The following CHD8 variants were observed in gnomAD, a reference collection of about 807,000 sequenced individuals.
CHD8 encodes the protein chromodomain helicase DNA binding protein 8.
CHD8 carries 31 observed loss-of-function variants against 279.2 expected under a neutral mutation model. The observed-to-expected ratio is 0.11, with a 90% CI of 0.08 to 0.15. The LOEUF (loss-of-function observed/expected upper bound fraction) is 0.15, where lower values mean the gene tolerates loss of function less well. CHD8 is among the 10% of genes least tolerant of loss of function. CHD8 has a pLI of 1.00. For missense variants in CHD8, 2,146 were observed against 3,230.5 expected (o/e 0.66, Z 8.14); for synonymous variants, 1,081 against 1,139.6 (o/e 0.95, Z 1.04).
chr14:21,386,562 G>C (rs1477894391), intron 37 of CHD8, among the ~76,000 whole-genome samples: 1 of 152,176 alleles, frequency 6.6e-6, no homozygotes, highest in Non-Finnish European at 1.5e-5. Context: ...TTGTGACCGG[G>C]CGCGGTGGCT....
intron 20 of CHD8, 42 bp downstream of exon 20, chr14:21,401,915 G>A (rs767944263): frequency 6.6e-6 from 10 of 1,517,368 alleles, no homozygotes; most frequent in Admixed American, 6.2e-5. Context: ...TAGAGATTCC[G>A]GTCTCTGTGT....
At position 21,393,540 on chromosome 14, in the gene CHD8, G is replaced by A; in HGVS notation, c.6255C>T (p.Ser2085=). 1 of 1,604,710 alleles carries A rather than the reference G, an allele frequency of 6.2e-7. No homozygotes were observed. Among genetic ancestry groups the A allele is most frequent in the Middle Eastern group, 1.7e-4 (1 of 6,044 alleles). ...TGGAGCTGGAGCTGGATGAGGATGA[G>A]GAAGAAGAAGAAGATGGTGACAGCT... The part of the protein sequence containing the change: ...LSKLSPSSSS[S]SSSSSSSSST... The change falls in exon 32 of 38, where the codon TCC becomes TCT. Residue 2085 remains serine (S), a synonymous_variant. Transcript: ENST00000646647.
Position 21,428,163 on chromosome 14 carries a change from G to A in CHD8, c.1307C>T (p.Ser436Phe). The change falls in exon 4 of 38, where the codon TCT (serine) becomes TTT (phenylalanine). Residue 436 changes from serine to phenylalanine, a missense_variant. By Grantham distance (155) the Ser-to-Phe change is radical (BLOSUM62 -2). This residue lies in a region of CHD8 where 170 missense variants were observed against 189.9 expected (regional missense o/e 0.90). Coordinates refer to ENST00000646647, the MANE Select transcript of CHD8 (RefSeq NM_001170629.2). ...EVAALSSPASSAPHSGGKTGM... is the reference protein window; with the variant it reads ...EVAALSSPASFAPHSGGKTGM... ...TGTCTTTCCCCCCGAATGAGGAGCA[G>A]AGCTTGCTGGTGATGACAAAGCTGC... is the stretch of plus-strand genomic sequence containing the variant. 6.2e-7 allele frequency: 1 copy of A among 1,614,014 alleles called. No homozygotes were observed. The highest frequency in any genetic ancestry group is 8.5e-7 in the Non-Finnish European group (1 of 1,179,900).
intron 16 of CHD8, among the ~76,000 whole-genome samples, chr14:21,404,120 G>A (rs940851612): frequency 6.0e-5 from 9 of 150,610 alleles, no homozygotes; most frequent in South Asian, 2.1e-4. Flanking sequence ...AAAATCAGCC[G>A]GGTTCAGTGG....
rs907139057 is a variant in CHD8, at chr14:21,405,703, A to T, written c.3051+18T>A. On this transcript the variant is annotated intron_variant, in intron 15 of 37. Coordinates refer to ENST00000646647, the MANE Select transcript of CHD8 (RefSeq NM_001170629.2). This position sits in a 1 kb window ranked among gnomAD's most constrained non-coding sequence, Gnocchi z 4.2. ...CTTCTTTGTCCTGAGTTAGTACCTC[A>T]TCAGATAGATTTCCTACCTGTTCCT... is the stretch of plus-strand genomic sequence containing the variant. 1 of 1,612,988 alleles carries T rather than the reference A, an allele frequency of 6.2e-7. No individual in the cohort carries two copies. The highest frequency in any genetic ancestry group is 8.5e-7 in the Non-Finnish European group (1 of 1,179,366).
At chr14:21,416,055 A>C in intron 5 of CHD8, 148 bp from the exon 6 acceptor site, 4 of 682,488 alleles carry the variant, frequency 5.9e-6, no homozygotes, top group Non-Finnish European at 1.0e-5. Context: ...ATTATCTGTC[A>C]AACAATGTGA....
intron 1 of CHD8, among the ~76,000 whole-genome samples, chr14:21,443,322 T>G (rs973699665): frequency 6.7e-6 from 1 of 148,776 alleles, no homozygotes; most frequent in Non-Finnish European, 1.5e-5. Flanking sequence ...ACCCGGGAGG[T>G]GGAGCTTGCA....
intron 28 of CHD8, chr14:21,395,595 A>G: frequency 1.7e-6 from 1 of 590,370 alleles, no homozygotes; most frequent in Non-Finnish European, 3.0e-6. Context: ...TTATTAGTCA[A>G]ATAATATCTT....
intron 1 of CHD8, chr14:21,437,255 T>C: frequency 1.7e-6 from 2 of 1,163,858 alleles, no homozygotes; most frequent in South Asian, 1.6e-5. Flanking sequence ...CAGTTCCCCC[T>C]CCTCCTGCGC....
intron 26 of CHD8, chr14:21,398,984 T>C: frequency 2.4e-6 from 1 of 418,354 alleles, no homozygotes; most frequent in Non-Finnish European, 4.8e-6. Context: ...TCCAGCCGAG[T>C]GACACCAGTG....
chr14:21,401,159 G>T, intron 21 of CHD8, 88 bp from the exon 22 acceptor site: 2 of 1,030,480 alleles, frequency 1.9e-6, no homozygotes, highest in Non-Finnish European at 1.4e-6. Flanking sequence ...AATAACATTG[G>T]ATGTAACGTG....
intron 1 of CHD8, among the ~76,000 whole-genome samples, chr14:21,435,443 T>C (rs1212344745): frequency 1.3e-5 from 2 of 152,252 alleles, no homozygotes; most frequent in East Asian, 1.9e-4. Flanking sequence ...CCACCTTTAA[T>C]ACAGTTCTTG....
chr14:21,446,230 G>C (rs893039735), intron 1 of CHD8, among the ~76,000 whole-genome samples: 2 of 151,840 alleles, frequency 1.3e-5, no homozygotes, highest in South Asian at 4.2e-4. Flanking sequence ...TCCCAGACTA[G>C]TAACAGCTAA....
At chr14:21,449,118 G>A (rs1231216801) in intron 1 of CHD8, among the ~76,000 whole-genome samples, 2 of 152,100 alleles carry the variant, frequency 1.3e-5, no homozygotes, top group African/African-American at 2.4e-5. Flanking sequence ...AGCTTGCAGT[G>A]AGCCAAGACT....
intron 5 of CHD8, among the ~76,000 whole-genome samples, chr14:21,424,357 A>C (rs1257184429): frequency 1.3e-5 from 2 of 152,148 alleles, no homozygotes; most frequent in East Asian, 1.9e-4. Context: ...GTGTTTTATT[A>C]ATCTGTTTTT....
rs755776815 is a variant in CHD8 at position 21,391,856 on chromosome 14, CCTT to C, written c.6859_6861del (p.Lys2287del). The C allele has an allele frequency of 3.4e-5, 55 of 1,612,742 alleles. No homozygotes were observed. The East Asian group carries it at 1.0e-3, about 31-fold the overall frequency. On this transcript the variant is annotated inframe_deletion, in exon 35 of 38. Coordinates refer to ENST00000646647, the MANE Select transcript of CHD8 (RefSeq NM_001170629.2). ...ACCTCTACTAGCTTCTTTCTGTTCC[CCTT>C]CTTCTTATGAAACAGTGGATGTCCA...
chr14:21,413,083 C>T, intron 9 of CHD8, 87 bp from the exon 10 acceptor site: 2 of 787,622 alleles, frequency 2.5e-6, no homozygotes, highest in Non-Finnish European at 4.4e-6. Flanking sequence ...GCAGAGAATC[C>T]TACTTCAAAA....
intron 1 of CHD8, among the ~76,000 whole-genome samples, chr14:21,439,035 G>A (rs61973188): frequency 0.026 from 3,995 of 151,586 alleles, 65 homozygotes; most frequent in African/African-American, 0.038. Context: ...GGTGAGGCAC[G>A]AGGATTGCTT....
intron 10 of CHD8, among the ~76,000 whole-genome samples, chr14:21,410,741 A>G (rs1296767755): frequency 2.0e-5 from 3 of 152,260 alleles, no homozygotes; most frequent in Admixed American, 6.5e-5. Context: ...AGTGTAATCA[A>G]CAAGAATCTC....
Sources: allele counts gnomAD v4.1 joint callset (sites outside exome capture counted in the v4.1 genomes callset), GRCh38; gene constraint gnomAD v4.1.1; regional missense constraint gnomAD v4.1.1; non-coding constraint Gnocchi (gnomAD v3.1); transcripts MANE v1.5; gene names NCBI Gene and HGNC (gene_info 2026-07-23, HGNC 2026-07-21).